Variants in DGKI observed in about 807,000 individuals in gnomAD.
DGKI encodes the protein diacylglycerol kinase iota.
DGKI carries 55 observed loss-of-function variants against 147.5 expected under a neutral mutation model. The observed-to-expected ratio is 0.37, with a 90% CI of 0.30 to 0.47. The LOEUF is 0.47. DGKI is among the 20% of genes least tolerant of loss of function. The pLI is 1.00. For synonymous variants in DGKI, 469 were observed against 477.1 expected (o/e 0.98, Z 0.22); for missense variants, 1,007 against 1,323.8 (o/e 0.76, Z 3.71).
chr7:137,449,619 G>T (rs1019895079), intron 27 of DGKI, among the ~76,000 whole-genome samples: 1 of 152,074 alleles, frequency 6.6e-6, no homozygotes, highest in African/African-American at 2.4e-5. Context: ...CAACAAAAGC[G>T]AAAATAGAGA....
chr7:137,727,460 T>C (rs1253230412), intron 1 of DGKI, among the ~76,000 whole-genome samples: 1 of 152,184 alleles, frequency 6.6e-6, no homozygotes, highest in East Asian at 1.9e-4. Context: ...CCCATAATTT[T>C]ATCACCCATC....
chr7:137,423,149 C>T (rs180899757), intron 28 of DGKI, among the ~76,000 whole-genome samples: 320 of 152,174 alleles, frequency 2.1e-3, no homozygotes, highest in Middle Eastern at 3.4e-3. Context: ...AAGCTATAAT[C>T]CTGAGAGGGT....
intron 1 of DGKI, among the ~76,000 whole-genome samples, chr7:137,763,595 TC>T (rs1795924281): frequency 6.6e-6 from 1 of 152,258 alleles, no homozygotes; most frequent in Non-Finnish European, 1.5e-5. Context: ...CAAAGTATCC[TC>T]ATTTTTGAAA....
At chr7:137,487,448 AC>A (rs2128936411) in intron 22 of DGKI, among the ~76,000 whole-genome samples, 161 bp downstream of exon 22, 1 of 152,302 alleles carries the variant, frequency 6.6e-6, no homozygotes, top group Admixed American at 6.5e-5. Context: ...AACAACAGAG[AC>A]AGTGGGAGAG....
At chr7:137,845,722 G>C (rs1329503765) in intron 1 of DGKI, among the ~76,000 whole-genome samples, 1 of 152,074 alleles carries the variant, frequency 6.6e-6, no homozygotes. Context: ...CACTGTCCTT[G>C]TCTTACACAT....
chr7:137,638,615 C>CATATATATATATATAT (rs1383387447), intron 6 of DGKI, among the ~76,000 whole-genome samples: 1 of 8,232 alleles, frequency 1.2e-4, no homozygotes, highest in Non-Finnish European at 2.7e-4. Flanking sequence ...TATATATACA[C>CATATATATATATATAT]ACACACATAT....
intron 10 of DGKI, among the ~76,000 whole-genome samples, chr7:137,600,662 C>T (rs1819958269): frequency 6.6e-6 from 1 of 151,992 alleles, no homozygotes; most frequent in Non-Finnish European, 1.5e-5. Context: ...AGATTATTGT[C>T]TGTATAATAT....
intron 1 of DGKI, among the ~76,000 whole-genome samples, chr7:137,734,458 G>C (rs929863795): frequency 4.6e-5 from 7 of 151,950 alleles, no homozygotes; most frequent in Non-Finnish European, 2.9e-5. Context: ...GATTTTAAAA[G>C]ACTTCAGTTT....
At chr7:137,755,430 C>G (rs1795647957) in intron 1 of DGKI, among the ~76,000 whole-genome samples, 1 of 152,088 alleles carries the variant, frequency 6.6e-6, no homozygotes, top group African/African-American at 2.4e-5. Flanking sequence ...GAGGGAGAAA[C>G]AGAGAATCGA....
chr7:137,436,403 AT>A (rs755736793), intron 28 of DGKI, among the ~76,000 whole-genome samples: 120 of 152,234 alleles, frequency 7.9e-4, no homozygotes, highest in Non-Finnish European at 1.5e-3. Context: ...TTAACAAATA[AT>A]ATCATGATTT....
chr7:137,571,247 A>G lies in DGKI; in HGVS notation c.1875T>C (p.Asp625=), dbSNP rs1441207251. ...GACGCTGAGGTTCGAAATCATGGTG[A>G]TCACCTGGGTTTCCCCAGGGCATTG... ...AGTMPWGNPG[D]HHDFEPQRHD... is the part of the protein sequence containing the mutation. Residue 625 remains aspartate (D), a synonymous_variant, in exon 19 of 33, where the codon GAT becomes GAC. Coordinates refer to ENST00000614521, the MANE Select transcript of DGKI (RefSeq NM_001321708.2). 1.2e-6 allele frequency: 2 copies of G among 1,613,072 alleles called. No individual in the cohort carries two copies. Among genetic ancestry groups the G allele is most frequent in the Non-Finnish European group, 1.7e-6 (2 of 1,179,884 alleles).
At chr7:137,845,202 C>T (rs141804942) in intron 1 of DGKI, among the ~76,000 whole-genome samples, 18 of 152,326 alleles carry the variant, frequency 1.2e-4, no homozygotes, top group African/African-American at 4.3e-4. Flanking sequence ...TTTTAGGAGT[C>T]ATCAGAAGTC....
rs80055980 is a variant in DGKI at position 137,710,509 on chromosome 7, C to T, written c.402-20507G>A. ...TTGATTTATGACAGAACTGGCATTA[C>T]AGAATAATGAGAAAAGATACACTTT... is the stretch of plus-strand genomic sequence containing the variant. On this transcript the variant is annotated intron_variant, in intron 1 of 32. Transcript: ENST00000614521. 9.9e-3 allele frequency among the ~76,000 whole-genome samples: 1,507 copies of T among 152,146 alleles called. 20 individuals are homozygous for T. Among genetic ancestry groups the T allele is most frequent in the African/African-American group, 0.035 (1,458 of 41,542 alleles).
intron 5 of DGKI, among the ~76,000 whole-genome samples, chr7:137,652,138 T>A (rs73444544): frequency 0.047 from 7,197 of 152,160 alleles, 599 homozygotes; most frequent in African/African-American, 0.17. Flanking sequence ...TTTTTAAAGA[T>A]AGAAATTATT....
chr7:137,548,489 A>T (rs1291301006), intron 20 of DGKI, among the ~76,000 whole-genome samples: 3 of 151,688 alleles, frequency 2.0e-5, no homozygotes, highest in Non-Finnish European at 4.4e-5. Flanking sequence ...TAGTTGTTTA[A>T]ATGAGTATGG....
At chr7:137,763,144 G>T (rs182754509) in intron 1 of DGKI, among the ~76,000 whole-genome samples, 6 of 152,340 alleles carry the variant, frequency 3.9e-5, no homozygotes, top group Admixed American at 3.9e-4. Flanking sequence ...GGTATGGTAA[G>T]GACTGCAAAG....
chr7:137,753,727 G>A (rs1005781036), intron 1 of DGKI, among the ~76,000 whole-genome samples: 1 of 152,074 alleles, frequency 6.6e-6, no homozygotes, highest in African/African-American at 2.4e-5. Context: ...AGACAGGAGG[G>A]GTGATCTATG....
chr7:137,594,592 A>G (rs1456227157), intron 12 of DGKI, among the ~76,000 whole-genome samples: 1 of 152,174 alleles, frequency 6.6e-6, no homozygotes, highest in Non-Finnish European at 1.5e-5. Flanking sequence ...CAGCTTCTAC[A>G]GTGACAGATG....
At chr7:137,833,167 T>C (rs565401999) in intron 1 of DGKI, among the ~76,000 whole-genome samples, 32 of 152,224 alleles carry the variant, frequency 2.1e-4, no homozygotes, top group Non-Finnish European at 3.8e-4. Flanking sequence ...CCAAAGTCGC[T>C]TCCACATTTT....
Sources: allele counts gnomAD v4.1 joint callset (sites outside exome capture counted in the v4.1 genomes callset), GRCh38; gene constraint gnomAD v4.1.1; transcripts MANE v1.5; gene names NCBI Gene and HGNC (gene_info 2026-07-23, HGNC 2026-07-21).